Variants in TTC3 observed in about 807,000 individuals in gnomAD.
TTC3 encodes the protein E3 ubiquitin-protein ligase TTC3.
In TTC3, 180 loss-of-function variants were observed where a neutral mutation model predicts 249.6. The ratio of observed to expected loss-of-function variants is 0.72; its 90% CI spans 0.64 to 0.82. The LOEUF (loss-of-function observed/expected upper bound fraction) is 0.82. Ranked by LOEUF, TTC3 falls within the 40% of genes least tolerant of loss-of-function variation. The pLI is 0.00. For missense variants in TTC3, 2,061 were observed against 2,398.4 expected, an observed-to-expected ratio of 0.86 and a Z score of 2.94; for synonymous variants, 717 against 805.0, an observed-to-expected ratio of 0.89 and a Z score of 1.85.
At chr21:37,183,854 A>G (rs2082981013) in intron 36 of TTC3, among the ~76,000 whole-genome samples, 1 of 152,066 alleles carries the variant, frequency 6.6e-6, no homozygotes, top group South Asian at 2.1e-4. Flanking sequence ...CATCTCTGCT[A>G]CCTTTTATTC....
At chr21:37,128,127 G>T (rs927226811) in intron 15 of TTC3, among the ~76,000 whole-genome samples, 1 of 152,178 alleles carries the variant, frequency 6.6e-6, no homozygotes, top group Admixed American at 6.5e-5. Context: ...TCCAAAAGCT[G>T]CTTTTGTTTT....
rs143177254 is a variant in TTC3 at position 37,110,400 on chromosome 21, A to G, written c.900+1954A>G. 3.2e-3 allele frequency among the ~76,000 whole-genome samples: 483 copies of G among 152,346 alleles called. 1 individual carries two copies. Among genetic ancestry groups the G allele is most frequent in the African/African-American group, 0.011 (466 of 41,580 alleles). Reference sequence around the variant, plus strand: ...AGCTGAAAACCACGGCACGAGAACTATGTGACAAATGCACAAACCTCAGTA... The same window carrying G: ...AGCTGAAAACCACGGCACGAGAACTGTGTGACAAATGCACAAACCTCAGTA... On this transcript the variant is annotated intron_variant, in intron 11 of 45. Transcript: ENST00000355666.
At chr21:37,088,533 A>G (rs1330065277) in intron 4 of TTC3, among the ~76,000 whole-genome samples, 187 bp downstream of exon 4, 1 of 152,226 alleles carries the variant, frequency 6.6e-6, no homozygotes, top group Non-Finnish European at 1.5e-5. Context: ...ATAATCAGTG[A>G]AATTCTGAAT....
chr21:37,105,663 G>T (rs1473227872), intron 10 of TTC3, among the ~76,000 whole-genome samples: 2 of 152,152 alleles, frequency 1.3e-5, no homozygotes, highest in African/African-American at 4.8e-5. Flanking sequence ...TCCTAGTCAT[G>T]ATCCATCTCC....
intron 11 of TTC3, among the ~76,000 whole-genome samples, chr21:37,111,329 A>G (rs1016983685): frequency 6.6e-6 from 1 of 152,204 alleles, no homozygotes; most frequent in African/African-American, 2.4e-5. Context: ...GCAGAGACAT[A>G]TAGGCTCAAA....
At chr21:37,145,309 T>G (rs955733718) in intron 21 of TTC3, among the ~76,000 whole-genome samples, 4 of 152,108 alleles carry the variant, frequency 2.6e-5, no homozygotes, top group Non-Finnish European at 5.9e-5. Flanking sequence ...AGACAAATAA[T>G]CTAAGAAGTA....
At chr21:37,095,255 C>G in intron 8 of TTC3, 95 bp from the exon 9 acceptor site, 1 of 739,310 alleles carries the variant, frequency 1.4e-6, no homozygotes, top group Non-Finnish European at 2.3e-6. Context: ...TTTCTGATAT[C>G]GAAGATAGAA....
At chr21:37,087,923 G>C (rs2072724939) in intron 3 of TTC3, 48 bp downstream of exon 3, 1 of 1,414,268 alleles carries the variant, frequency 7.1e-7, no homozygotes. Context: ...AGACTACAAA[G>C]GGAGGTCCAT....
At chr21:37,126,097 G>A in exon 15 of TTC3, 16 of 1,605,686 alleles carry the variant, frequency 1.0e-5, no homozygotes, top group Non-Finnish European at 1.4e-5. Flanking sequence ...ATGAGGCGTT[G>A]AAGGTAGATG....
intron 11 of TTC3, among the ~76,000 whole-genome samples, chr21:37,119,511 G>A (rs1040016910): frequency 3.9e-5 from 6 of 152,094 alleles, no homozygotes; most frequent in African/African-American, 1.4e-4. Context: ...AGTTCTCCCT[G>A]TGTGCAGCTT....
intron 1 of TTC3, chr21:37,083,420 G>A (rs1047582134): frequency 3.0e-6 from 3 of 985,340 alleles, no homozygotes; most frequent in African/African-American, 1.7e-5. Context: ...CAAGATTGAA[G>A]GCAAGTCTGA....
intron 27 of TTC3, among the ~76,000 whole-genome samples, chr21:37,154,977 C>G (rs987927163): frequency 2.6e-5 from 4 of 152,100 alleles, no homozygotes; most frequent in Non-Finnish European, 5.9e-5. Context: ...TTACAGGCGT[C>G]AGCCACCGCG....
Position 37,165,751 on chromosome 21 carries a change from G to GA in TTC3, c.3544dup (p.Arg1182LysfsTer7). 1 of 1,612,900 alleles carries GA rather than the reference G, an allele frequency of 6.2e-7. No homozygotes were observed. Among genetic ancestry groups the GA allele is most frequent in the East Asian group, 2.2e-5 (1 of 44,874 alleles). On this transcript the variant is annotated frameshift_variant, in exon 33 of 46. Transcript: ENST00000355666. LOFTEE classifies it high-confidence loss of function. ...TGAAGAAGGTTGCATCACGGCTCAA[G>GA]AAAAAAAGGAAGAAGAAAAACATTA...
intron 1 of TTC3, among the ~76,000 whole-genome samples, chr21:37,085,090 AT>A (rs1384479651): frequency 6.6e-6 from 1 of 152,214 alleles, no homozygotes; most frequent in Non-Finnish European, 1.5e-5. Context: ...TATCAGTGAG[AT>A]TCGCTAGGCT....
intron 21 of TTC3, among the ~76,000 whole-genome samples, chr21:37,145,349 A>G (rs935669574): frequency 6.6e-6 from 1 of 152,256 alleles, no homozygotes; most frequent in Admixed American, 6.5e-5. Flanking sequence ...CATTTCTGCA[A>G]CGAAGATATA....
At chr21:37,150,050 CTTGT>C (rs1786014403) in intron 23 of TTC3, 24 bp from the exon 24 acceptor site, 1 of 1,339,454 alleles carries the variant, frequency 7.5e-7, no homozygotes, top group Non-Finnish European at 1.0e-6. Flanking sequence ...TAACATTTTT[CTTGT>C]TTTTTTTTTT....
chr21:37,082,771 G>A lies in TTC3; in HGVS notation c.-11-4476G>A, dbSNP rs970173879. 3 of 984,508 alleles carry A rather than the reference G, an allele frequency of 3.0e-6. No homozygotes were observed. In the African/African-American group the frequency reaches 5.3e-5, roughly 17 times the overall value. 61.0% of individuals were successfully genotyped at this position (984,508 alleles called of 1,614,324 possible). A position where few individuals can be genotyped will look rare whatever the true frequency, so the allele number is the denominator to read the frequency against. ...CCTCCCAACAGTACATTCCCCCAGA[G>A]TGTATAGTTGACCATAACTGATGGG... On this transcript the variant is annotated intron_variant, in intron 1 of 45. Transcript: ENST00000355666.
chr21:37,083,530 T>C (rs1458539773), intron 1 of TTC3: 2 of 480,644 alleles, frequency 4.2e-6, no homozygotes, highest in African/African-American at 4.2e-5. Context: ...TTAGATTTCT[T>C]AGGGAAGCAG....
intron 31 of TTC3, among the ~76,000 whole-genome samples, 169 bp downstream of exon 31, chr21:37,162,232 G>A (rs923234478): frequency 2.0e-5 from 3 of 152,216 alleles, no homozygotes; most frequent in South Asian, 4.1e-4. Context: ...TTTATATAGT[G>A]TGGCTAGAAG....
Sources: gnomAD v4.1 joint callset for allele counts (sites outside exome capture counted in the v4.1 genomes callset) on GRCh38, gnomAD v4.1.1 for gene constraint, MANE v1.5 for transcripts, NCBI Gene and HGNC (gene_info 2026-07-23, HGNC 2026-07-21) for gene names.